NKAIN2: variants seen among roughly 807,000 people sequenced by gnomAD.
NKAIN2 encodes sodium/potassium-transporting ATPase subunit beta-1-interacting protein 2.
Under a neutral mutation model 32.6 loss-of-function variants are expected in NKAIN2, and 14 were observed. That is an observed-to-expected ratio of 0.43 (90% CI 0.28 to 0.67). The LOEUF (loss-of-function observed/expected upper bound fraction) is 0.67. Among genes scored for constraint, NKAIN2 ranks in the 30% least tolerant of loss-of-function variants. The pLI is 0.17. For synonymous variants in NKAIN2, 80 were observed against 87.2 expected, an observed-to-expected ratio of 0.92 and a Z score of 0.46; for missense variants, 198 against 258.3, an observed-to-expected ratio of 0.77 and a Z score of 1.60.
At chr6:124,082,218 G>C (rs953970250) in intron 1 of NKAIN2, among the ~76,000 whole-genome samples, 5 of 152,118 alleles carry the variant, frequency 3.3e-5, no homozygotes, top group African/African-American at 1.2e-4. Context: ...TCTGATGTTA[G>C]TAGTCTTTCC....
intron 3 of NKAIN2, among the ~76,000 whole-genome samples, chr6:124,532,574 G>A (rs575165447): frequency 6.6e-6 from 1 of 152,280 alleles, no homozygotes; most frequent in East Asian, 1.9e-4. Flanking sequence ...AGCTGGGATT[G>A]TCACAGGAGC....
At chr6:123,882,964 G>GGTGTGT (rs68068463) in intron 1 of NKAIN2, among the ~76,000 whole-genome samples, 1 of 150,112 alleles carries the variant, frequency 6.7e-6, no homozygotes, top group Non-Finnish European at 1.5e-5. Context: ...TTTGGTCTGG[G>GGTGTGT]GTGTGTGTGT....
At chr6:124,814,686 C>A (rs2114868388) in intron 5 of NKAIN2, among the ~76,000 whole-genome samples, 1 of 152,258 alleles carries the variant, frequency 6.6e-6, no homozygotes, top group South Asian at 2.1e-4. Context: ...CATTTCCCTC[C>A]TGGCCTTTTC....
At position 124,791,493 on chromosome 6, in the gene NKAIN2, A is replaced by C. The variant is rs939230084; in HGVS notation, c.535+94A>C. ...CTTCCTATTCCTCAGACAAGATCCT[A>C]CAACACAGCATTAGAATGGAAAATA... On this transcript the variant is annotated intron_variant, in intron 5 of 6. Transcript: ENST00000368417. 7 of 745,402 alleles carry C rather than the reference A, an allele frequency of 9.4e-6. No individual in the cohort carries two copies. In the African/African-American group the frequency reaches 1.2e-4, roughly 13 times the overall value. 46.2% of individuals were successfully genotyped at this position (745,402 alleles called of 1,614,324 possible). A position where few individuals can be genotyped will look rare whatever the true frequency, so the allele number is the denominator to read the frequency against.
intron 1 of NKAIN2, among the ~76,000 whole-genome samples, chr6:124,019,388 C>T (rs1397196): frequency 7.2e-6 from 1 of 138,854 alleles, no homozygotes; most frequent in Non-Finnish European, 1.6e-5. Context: ...TTTCTGCATT[C>T]CTCAACATAG....
intron 1 of NKAIN2, among the ~76,000 whole-genome samples, chr6:124,172,525 A>G (rs1788947087): frequency 6.6e-6 from 1 of 152,186 alleles, no homozygotes; most frequent in Non-Finnish European, 1.5e-5. Context: ...TTAATACAGA[A>G]TATTGACTGC....
intron 3 of NKAIN2, among the ~76,000 whole-genome samples, chr6:124,399,601 G>A (rs1773542177): frequency 6.6e-6 from 1 of 152,172 alleles, no homozygotes; most frequent in South Asian, 2.1e-4. Context: ...GGTGAGTCAG[G>A]CAGGCAGAAC....
intron 2 of NKAIN2, among the ~76,000 whole-genome samples, chr6:124,323,982 G>C (rs571600218): frequency 6.6e-6 from 1 of 151,638 alleles, no homozygotes; most frequent in African/African-American, 2.4e-5. Context: ...TAATGGTGAC[G>C]GGGTTACACC....
intron 2 of NKAIN2, among the ~76,000 whole-genome samples, chr6:124,346,457 G>A (rs1194821941): frequency 6.6e-6 from 1 of 152,166 alleles, no homozygotes; most frequent in Non-Finnish European, 1.5e-5. Flanking sequence ...CATTGTTATT[G>A]TGTGGGAGTC....
rs1189686716 is a variant in NKAIN2 at position 124,192,874 on chromosome 6, C to G, written c.55-90131C>G. On this transcript the variant is annotated intron_variant, in intron 1 of 6. Coordinates refer to ENST00000368417, the MANE Select transcript of NKAIN2 (RefSeq NM_001040214.3). ...ACGCCATTCTCCTGCCTCAGCCTCC[C>G]GAGTAGCTGGGACTACAGGCGCCCG... is the stretch of plus-strand genomic sequence containing the variant. Among the ~76,000 whole-genome samples, 5 of 151,712 alleles carry G rather than the reference C, an allele frequency of 3.3e-5. 1 individual carries two copies. In the South Asian group the frequency reaches 6.2e-4, roughly 19 times the overall value.
At chr6:124,595,430 C>T (rs1232687395) in intron 3 of NKAIN2, among the ~76,000 whole-genome samples, 1 of 152,176 alleles carries the variant, frequency 6.6e-6, no homozygotes, top group Non-Finnish European at 1.5e-5. Context: ...TCTGATGCAC[C>T]TGACATTCTG....
chr6:124,342,718 G>C (rs916382143), intron 2 of NKAIN2, among the ~76,000 whole-genome samples: 23 of 151,554 alleles, frequency 1.5e-4, no homozygotes, highest in African/African-American at 4.8e-4. Flanking sequence ...CCTATTCTAG[G>C]CTGGTCTTGA....
intron 3 of NKAIN2, among the ~76,000 whole-genome samples, chr6:124,471,361 A>T (rs892686021): frequency 3.3e-5 from 5 of 152,092 alleles, no homozygotes; most frequent in Non-Finnish European, 5.9e-5. Context: ...ATGATTTTAT[A>T]TCTAATTTTG....
At chr6:124,185,887 A>G (rs1789700321) in intron 1 of NKAIN2, among the ~76,000 whole-genome samples, 1 of 152,104 alleles carries the variant, frequency 6.6e-6, no homozygotes, top group African/African-American at 2.4e-5. Flanking sequence ...AATGGAAATG[A>G]CTAACATTTC....
intron 1 of NKAIN2, among the ~76,000 whole-genome samples, chr6:123,982,494 T>C (rs1484013809): frequency 6.6e-6 from 1 of 152,140 alleles, no homozygotes; most frequent in Non-Finnish European, 1.5e-5. Flanking sequence ...GTGACAAGGA[T>C]ACCCATTTCA....
At chr6:124,041,765 G>A (rs1562324616) in intron 1 of NKAIN2, among the ~76,000 whole-genome samples, 1 of 152,070 alleles carries the variant, frequency 6.6e-6, no homozygotes, top group Non-Finnish European at 1.5e-5. Context: ...TCATAATATT[G>A]TAAATTGGAA....
intron 4 of NKAIN2, among the ~76,000 whole-genome samples, chr6:124,678,940 A>T (rs1483492240): frequency 6.6e-6 from 1 of 152,144 alleles, no homozygotes; most frequent in Non-Finnish European, 1.5e-5. Context: ...TAAATTTCAA[A>T]TCAGAGCGAT....
intron 1 of NKAIN2, among the ~76,000 whole-genome samples, chr6:124,064,031 T>A (rs1163764316): frequency 2.6e-5 from 4 of 151,766 alleles, no homozygotes; most frequent in Non-Finnish European, 5.9e-5. Context: ...GTTCAATGCA[T>A]GCTCTGCCTC....
intron 1 of NKAIN2, among the ~76,000 whole-genome samples, chr6:124,241,718 T>C (rs1157737468): frequency 2.6e-5 from 4 of 152,194 alleles, no homozygotes; most frequent in African/African-American, 9.6e-5. Flanking sequence ...TTCTCGTGTT[T>C]CCTATAATTG....
Sources: allele counts gnomAD v4.1 joint callset (sites outside exome capture counted in the v4.1 genomes callset), GRCh38; gene constraint gnomAD v4.1.1; transcripts MANE v1.5; gene names NCBI Gene and HGNC (gene_info 2026-07-23, HGNC 2026-07-21).